Variants in ABCA5 observed in about 807,000 individuals in gnomAD.
ABCA5 encodes the protein cholesterol transporter ABCA5.
ABCA5 carries 163 observed loss-of-function variants against 206.0 expected under a neutral mutation model. The ratio of observed to expected loss-of-function variants is 0.79; its 90% confidence interval spans 0.70 to 0.90. The LOEUF is 0.90. Ranked by LOEUF, ABCA5 falls within the 40% of genes least tolerant of loss-of-function variation. ABCA5 has a pLI of 0.00. For synonymous variants in ABCA5, 609 were observed against 613.8 expected (o/e 0.99, Z 0.11); for missense variants, 1,859 against 1,912.9 (o/e 0.97, Z 0.53).
chr17:69,319,746 C>A (rs1160481858), intron 1 of ABCA5, among the ~76,000 whole-genome samples: 1 of 152,188 alleles, frequency 6.6e-6, no homozygotes, highest in Admixed American at 6.6e-5. Context: ...TGTGAAATGT[C>A]CTATTATCTT....
chr17:69,248,472 T>C (rs1020635194), intron 37 of ABCA5, 155 bp from the exon 38 acceptor site: 23 of 526,656 alleles, frequency 4.4e-5, no homozygotes, highest in Non-Finnish European at 6.3e-5. Flanking sequence ...TTACTTCCTT[T>C]CTCTTCCCCA....
rs745515177 is a variant in ABCA5, at chr17:69,247,530, T to C, written c.*7A>G. On this transcript the variant is annotated 3_prime_UTR_variant, in exon 39 of 39. Transcript: ENST00000392676. Reference sequence around the variant, plus strand: ...AAGTCCCAGTAAGCAGACCGAACAATACAAATTCAAAATACTACTCTATCT... The same window carrying C: ...AAGTCCCAGTAAGCAGACCGAACAACACAAATTCAAAATACTACTCTATCT... 4.4e-6 allele frequency: 7 copies of C among 1,573,238 alleles called. No homozygotes were observed. Among genetic ancestry groups the C allele is most frequent in the African/African-American group, 2.7e-5 (2 of 73,078 alleles).
chr17:69,289,424 T>G, intron 13 of ABCA5, 128 bp from the exon 14 acceptor site: 2 of 731,926 alleles, frequency 2.7e-6, no homozygotes, highest in Admixed American at 8.2e-5. Flanking sequence ...TTTTAAATAA[T>G]TTTAATATCA....
At chr17:69,310,299 C>T (rs1013947060) in intron 3 of ABCA5, among the ~76,000 whole-genome samples, 6 of 151,964 alleles carry the variant, frequency 3.9e-5, no homozygotes, top group African/African-American at 1.4e-4. Flanking sequence ...CCATGCCTGG[C>T]TAATTTTTTG....
At position 69,264,722 on chromosome 17, in the gene ABCA5, A is replaced by G. The variant is rs772786398; in HGVS notation, c.3315+13T>C. 1.3e-6 allele frequency: 2 copies of G among 1,506,914 alleles called. No individual in the cohort carries two copies. Among genetic ancestry groups the G allele is most frequent in the Admixed American group, 4.4e-5 (2 of 45,126 alleles). The allele number at this position is 1,506,914 out of a possible 1,614,324, so 93.3% of individuals were successfully genotyped here. Reference sequence around the variant, plus strand: ...ATCTATAAATAGCATGAGTACAACTAACGTTAACTTACCACAGCAAGGAAC... The same window carrying G: ...ATCTATAAATAGCATGAGTACAACTGACGTTAACTTACCACAGCAAGGAAC... On this transcript the variant is annotated intron_variant, in intron 24 of 38. Coordinates refer to ENST00000392676, the MANE Select transcript of ABCA5 (RefSeq NM_172232.4).
At chr17:69,314,652 TACC>T (rs1343208285) in intron 1 of ABCA5, 2 of 404,216 alleles carry the variant, frequency 4.9e-6, no homozygotes, top group African/African-American at 4.1e-5. Context: ...GAATTTGAAA[TACC>T]ACCATATCAA....
Position 69,289,187 on chromosome 17 carries a change from C to A in ABCA5, c.1892G>T (p.Gly631Val), listed in dbSNP as rs752019582. ...RKLSLGIAVL[G>V]NPKILLLDEP... Reference sequence around the variant, plus strand: ...GTAATATTTATTTACCTTTGGGTTCCCAAGAACAGCAATTCCTAATGACAG... The same window carrying A: ...GTAATATTTATTTACCTTTGGGTTCACAAGAACAGCAATTCCTAATGACAG... Residue 631 changes from glycine (G) to valine (V), a missense_variant, in exon 14 of 39, where the codon GGG becomes GTG. Coordinates refer to ENST00000392676, the MANE Select transcript of ABCA5 (RefSeq NM_172232.4). 1 of 1,600,774 alleles carries A rather than the reference C, an allele frequency of 6.2e-7. No individual in the cohort carries two copies. Among genetic ancestry groups the A allele is most frequent in the Non-Finnish European group, 8.5e-7 (1 of 1,175,878 alleles).
At chr17:69,256,041 A>C in intron 29 of ABCA5, 116 bp downstream of exon 29, 3 of 1,360,918 alleles carry the variant, frequency 2.2e-6, no homozygotes, top group Non-Finnish European at 3.0e-6. Flanking sequence ...TTTTCCAAGA[A>C]AGATTTTTTT....
chr17:69,278,404 T>C (rs1436159645), intron 18 of ABCA5, among the ~76,000 whole-genome samples: 2 of 152,214 alleles, frequency 1.3e-5, no homozygotes, highest in East Asian at 1.9e-4. Flanking sequence ...CTTATCACCA[T>C]GTTTGAGAGT....
In ABCA5 at chr17:69,245,609, T is replaced by C. The variant is rs950663053; in HGVS notation, c.*1928A>G. On this transcript the variant is annotated 3_prime_UTR_variant, in exon 39 of 39. Coordinates refer to ENST00000392676, the MANE Select transcript of ABCA5 (RefSeq NM_172232.4). ...TAACAACCAAAATATATTCTGAGTA[T>C]ATAAAAACTAAAAAAAAATTTGAAT... The C allele has an allele frequency of 3.3e-5, 5 of 151,918 alleles. No homozygotes were observed. Among genetic ancestry groups the C allele is most frequent in the African/African-American group, 1.2e-4 (5 of 41,404 alleles). The allele number at this position is 151,918 out of a possible 1,614,324, so 9.4% of individuals were successfully genotyped here. A position where few individuals can be genotyped will look rare whatever the true frequency, so the allele number is the denominator to read the frequency against.
rs574470515 is a variant in ABCA5 at position 69,283,143 on chromosome 17, T to C, written c.2392+810A>G. Among the ~76,000 whole-genome samples, 6 of 152,076 alleles carry C rather than the reference T, an allele frequency of 3.9e-5. No homozygotes were observed. In the South Asian group the frequency reaches 1.0e-3, roughly 26 times the overall value. On this transcript the variant is annotated intron_variant, in intron 18 of 38. Coordinates refer to ENST00000392676, the MANE Select transcript of ABCA5 (RefSeq NM_172232.4). ...TTGGGACTATAGGCACACACTACCA[T>C]ACCTGGCTAATTTTTGTGTTTTTTG...
chr17:69,326,563 T>C lies in ABCA5; in HGVS notation c.-16+489A>G, dbSNP rs1215036930. ...CATTTTCTTCTCACTGAAACTCCTT[T>C]TAACACGCAAGGTAATGATCCGCGC... is the stretch of plus-strand genomic sequence containing the variant. On this transcript the variant is annotated intron_variant, in intron 1 of 38. Coordinates refer to ENST00000392676, the MANE Select transcript of ABCA5 (RefSeq NM_172232.4). The surrounding 1 kb of genome is among the most constrained non-coding windows in gnomAD (Gnocchi z 4.8). Among the ~76,000 whole-genome samples, 4 of 152,240 alleles carry C rather than the reference T, an allele frequency of 2.6e-5. No homozygotes were observed. Among genetic ancestry groups the C allele is most frequent in the Admixed American group, 1.3e-4 (2 of 15,286 alleles).
At chr17:69,311,755 G>A (rs1198761825) in intron 3 of ABCA5, among the ~76,000 whole-genome samples, 2 of 152,098 alleles carry the variant, frequency 1.3e-5, no homozygotes, top group Non-Finnish European at 2.9e-5. Flanking sequence ...GCCTCCCAAA[G>A]TGCTGGGATT....
intron 6 of ABCA5, 128 bp from the exon 7 acceptor site, chr17:69,304,938 G>T: frequency 2.7e-6 from 2 of 731,300 alleles, no homozygotes; most frequent in Non-Finnish European, 4.0e-6. Context: ...TCATTTCTGT[G>T]TATGCTTATG....
intron 17 of ABCA5, chr17:69,285,565 T>C (rs1412111884): frequency 1.2e-5 from 2 of 161,666 alleles, no homozygotes; most frequent in African/African-American, 4.8e-5. Context: ...ATATAAACTA[T>C]ATACATATAT....
chr17:69,323,276 A>ACCCTTC (rs1314063957), intron 1 of ABCA5, among the ~76,000 whole-genome samples: 1 of 152,134 alleles, frequency 6.6e-6, no homozygotes, highest in African/African-American at 2.4e-5. Context: ...TGTTAAATAT[A>ACCCTTC]CCCTTCCCCC....
chr17:69,283,296 C>A (rs546338890), intron 18 of ABCA5, among the ~76,000 whole-genome samples: 6 of 152,242 alleles, frequency 3.9e-5, no homozygotes, highest in African/African-American at 1.2e-4. Context: ...CCTATTTTCA[C>A]TGACACCCTA....
At chr17:69,300,431 G>T (rs2075640381) in intron 9 of ABCA5, among the ~76,000 whole-genome samples, 1 of 152,084 alleles carries the variant, frequency 6.6e-6, no homozygotes, top group Non-Finnish European at 1.5e-5. Flanking sequence ...GTGTCCTGGG[G>T]GTTGGGAACC....
chr17:69,267,839 A>C, intron 23 of ABCA5, 104 bp downstream of exon 23: 1 of 511,086 alleles, frequency 2.0e-6, no homozygotes, highest in South Asian at 3.8e-5. Context: ...CCATTTACTT[A>C]TTTCTGAAAT....
Sources: gnomAD v4.1 joint callset for allele counts (sites outside exome capture counted in the v4.1 genomes callset) on GRCh38, gnomAD v4.1.1 for gene constraint, Gnocchi (gnomAD v3.1) non-coding constraint, MANE v1.5 for transcripts, NCBI Gene and HGNC (gene_info 2026-07-23, HGNC 2026-07-21) for gene names.